AKR1C4: variants seen among roughly 807,000 people sequenced by gnomAD.
The protein encoded by AKR1C4 is 3-alpha-HSD1.
Under a neutral mutation model 41.0 loss-of-function variants are expected in AKR1C4, and 44 were observed. The observed-to-expected ratio is 1.07, with a 90% CI of 0.84 to 1.38. The LOEUF (loss-of-function observed/expected upper bound fraction) is 1.38. Among genes scored for constraint, AKR1C4 ranks in the 40% most tolerant of loss-of-function variants. AKR1C4 has a pLI of 0.00. For synonymous variants in AKR1C4, 165 were observed against 137.7 expected (o/e 1.20, Z -1.39); for missense variants, 438 against 387.9 (o/e 1.13, Z -1.09).
intron 5 of AKR1C4, chr10:5,207,580 T>A (rs1832509439): frequency 1.1e-6 from 1 of 909,158 alleles, no homozygotes; most frequent in African/African-American, 1.7e-5. Context: ...GAAGAACTTG[T>A]CTCTCTCAGA....
intron 1 of AKR1C4, among the ~76,000 whole-genome samples, chr10:5,198,005 A>G (rs1832337718): frequency 6.6e-6 from 1 of 152,240 alleles, no homozygotes; most frequent in African/African-American, 2.4e-5. Context: ...AGAAAAGCTT[A>G]TATTAAAATA....
chr10:5,200,113 A>G (rs782049590), intron 1 of AKR1C4, 68 bp from the exon 2 acceptor site: 121 of 1,556,478 alleles, frequency 7.8e-5, no homozygotes, highest in Non-Finnish European at 1.0e-4. Flanking sequence ...AGGACAAGGG[A>G]ACTTTTCCTG....
intron 1 of AKR1C4, 98 bp downstream of exon 1, chr10:5,197,049 G>A: frequency 8.5e-7 from 1 of 1,178,932 alleles, no homozygotes; most frequent in African/African-American, 1.5e-5. Flanking sequence ...CTGTTACCCT[G>A]AGTGACTCAC....
intron 1 of AKR1C4, among the ~76,000 whole-genome samples, chr10:5,199,677 G>A (rs1832366622): frequency 6.6e-6 from 1 of 152,144 alleles, no homozygotes; most frequent in South Asian, 2.1e-4. Flanking sequence ...TCAGAAGACA[G>A]TCCAGGCTGC....
chr10:5,216,322 T>G (rs191726497), intron 7 of AKR1C4, among the ~76,000 whole-genome samples: 139 of 152,310 alleles, frequency 9.1e-4, no homozygotes, highest in Admixed American at 1.6e-3. Context: ...GAATTACTTT[T>G]TAACATGAGA....
intron 3 of AKR1C4, 50 bp from the exon 4 acceptor site, chr10:5,205,707 A>G: frequency 6.6e-7 from 1 of 1,514,662 alleles, no homozygotes; most frequent in Non-Finnish European, 9.1e-7. Context: ...GAGCATGCCT[A>G]TGGGTGGAAA....
chr10:5,205,187 G>A (rs1354614061), intron 3 of AKR1C4, among the ~76,000 whole-genome samples: 1 of 152,208 alleles, frequency 6.6e-6, no homozygotes, highest in African/African-American at 2.4e-5. Context: ...ACTCCAAGAA[G>A]TTTTCTGGAT....
intron 7 of AKR1C4, among the ~76,000 whole-genome samples, chr10:5,215,135 G>T (rs375597122): frequency 2.0e-5 from 3 of 152,168 alleles, no homozygotes; most frequent in Non-Finnish European, 4.4e-5. Context: ...AGTTAAACTG[G>T]TGTGTACATG....
chr10:5,202,363 C>T, intron 2 of AKR1C4: 2 of 375,782 alleles, frequency 5.3e-6, no homozygotes, highest in South Asian at 2.1e-5. Context: ...ATTTTGTAAC[C>T]TGAGACTTTA....
At chr10:5,211,722 C>T (rs782520712) in intron 5 of AKR1C4, among the ~76,000 whole-genome samples, 20 of 152,184 alleles carry the variant, frequency 1.3e-4, no homozygotes, top group Non-Finnish European at 2.1e-4. Context: ...TATCTTTCAA[C>T]AATGCCCCAC....
At chr10:5,207,253 T>C in intron 5 of AKR1C4, 1 of 184,188 alleles carries the variant, frequency 5.4e-6, no homozygotes, top group Non-Finnish European at 1.2e-5. Context: ...GTGTTTGAAC[T>C]GTGCTAGAAG....
At chr10:5,197,873 G>A (rs1554796471) in intron 1 of AKR1C4, among the ~76,000 whole-genome samples, 1 of 152,198 alleles carries the variant, frequency 6.6e-6, no homozygotes, top group Non-Finnish European at 1.5e-5. Flanking sequence ...CAACACGGAA[G>A]CTCTAGCCTT....
At chr10:5,210,356 T>C (rs2095367) in intron 5 of AKR1C4, among the ~76,000 whole-genome samples, 1,600 of 152,296 alleles carry the variant, frequency 0.011, 34 homozygotes, top group African/African-American at 0.037. Flanking sequence ...GTCTGCAGCT[T>C]TTCCAGGTGC....
chr10:5,213,008 C>G lies in AKR1C4; in HGVS notation c.695C>G (p.Ser232Cys). Reference protein sequence around the residue: ...QRHKLWVDPNSPVLLEDPVLC... With the variant: ...QRHKLWVDPNCPVLLEDPVLC... ...TTTCCTTCCAGGGTGGACCCAAACT[C>G]CCCAGTTCTTTTGGAGGACCCAGTT... Residue 232 changes from serine to cysteine, a missense_variant, in exon 7 of 9, where the codon TCC becomes TGC. Physicochemically the swap from Ser to Cys is moderately radical, Grantham distance 112. Coordinates refer to ENST00000263126, the MANE Select transcript of AKR1C4 (RefSeq NM_001818.5). 6.2e-7 allele frequency: 1 copy of G among 1,614,076 alleles called. No individual in the cohort carries two copies. The highest frequency in any genetic ancestry group is 1.3e-5 in the African/African-American group (1 of 75,018).
chr10:5,207,479 A>G, intron 5 of AKR1C4: 1 of 392,840 alleles, frequency 2.5e-6, no homozygotes, highest in Non-Finnish European at 5.1e-6. Context: ...TGATGTTAAC[A>G]GGATGGAAGA....
chr10:5,218,895 C>G lies in AKR1C4; in HGVS notation c.*135C>G, dbSNP rs1832696540. The G allele has an allele frequency of 3.0e-6, 2 of 661,684 alleles. No individual in the cohort carries two copies. Among genetic ancestry groups the G allele is most frequent in the Non-Finnish European group, 5.2e-6 (2 of 384,286 alleles). The allele number at this position is 661,684 out of a possible 1,614,324, so 41.0% of individuals were successfully genotyped here. On this transcript the variant is annotated 3_prime_UTR_variant, in exon 9 of 9. Coordinates refer to ENST00000263126, the MANE Select transcript of AKR1C4 (RefSeq NM_001818.5). Reference sequence around the variant, plus strand: ...CCTCCTGCTTGGCAACTTCAGCTAGCTAGATATATCCATGGTCCAGAAAGC... The same window carrying G: ...CCTCCTGCTTGGCAACTTCAGCTAGGTAGATATATCCATGGTCCAGAAAGC...
chr10:5,204,730 A>G, intron 3 of AKR1C4: 1 of 628,606 alleles, frequency 1.6e-6, no homozygotes, highest in Non-Finnish European at 2.9e-6. Flanking sequence ...AGAAAATAAC[A>G]ACAGCCACCT....
At chr10:5,206,046 T>C (rs547022751) in intron 4 of AKR1C4, among the ~76,000 whole-genome samples, 1 of 152,286 alleles carries the variant, frequency 6.6e-6, no homozygotes, top group South Asian at 2.1e-4. Flanking sequence ...GGAAGACAGA[T>C]ATTCCTCCCG....
At chr10:5,216,823 G>C in intron 8 of AKR1C4, 30 bp downstream of exon 8, 1 of 1,527,844 alleles carries the variant, frequency 6.5e-7, no homozygotes, top group South Asian at 1.2e-5. Context: ...GGGTTTCCCA[G>C]TTTATTTTTA....
Sources: gnomAD v4.1 joint callset for allele counts (sites outside exome capture counted in the v4.1 genomes callset) on GRCh38, gnomAD v4.1.1 for gene constraint, MANE v1.5 for transcripts, NCBI Gene and HGNC (gene_info 2026-07-23, HGNC 2026-07-21) for gene names.